The following ANGPT2 variants were observed in gnomAD, a reference collection of about 807,000 sequenced individuals.
ANGPT2 encodes angiopoietin 2.
ANGPT2 carries 28 observed loss-of-function variants against 62.9 expected under a neutral mutation model. The ratio of observed to expected loss-of-function variants is 0.44; its 90% CI spans 0.33 to 0.61. The LOEUF (loss-of-function observed/expected upper bound fraction) is 0.61. Ranked by LOEUF, ANGPT2 falls within the 20% of genes least tolerant of loss-of-function variation. The pLI, the probability that ANGPT2 is intolerant of heterozygous loss-of-function variation, is 0.03. For synonymous variants in ANGPT2, 284 were observed against 207.8 expected, an observed-to-expected ratio of 1.37 and a Z score of -3.15; for missense variants, 727 against 594.9, an observed-to-expected ratio of 1.22 and a Z score of -2.31.
intron 3 of ANGPT2, 88 bp downstream of exon 3, chr8:6,527,467 C>T: frequency 1.3e-6 from 2 of 1,495,460 alleles, no homozygotes; most frequent in African/African-American, 1.4e-5. Flanking sequence ...AAGAAACTCA[C>T]CATTCTGATA....
At chr8:6,551,833 C>G (rs921916926) in intron 1 of ANGPT2, among the ~76,000 whole-genome samples, 1 of 152,150 alleles carries the variant, frequency 6.6e-6, no homozygotes, top group African/African-American at 2.4e-5. Flanking sequence ...CAATAACGTA[C>G]TTTCTCGAGC....
At chr8:6,537,508 G>A (rs989059890) in intron 1 of ANGPT2, among the ~76,000 whole-genome samples, 58 of 151,672 alleles carry the variant, frequency 3.8e-4, no homozygotes, top group African/African-American at 1.4e-3. Flanking sequence ...GCAGCGCATC[G>A]AAACTCAAGC....
intron 2 of ANGPT2, among the ~76,000 whole-genome samples, chr8:6,530,545 C>A (rs1819294198): frequency 8.2e-6 from 1 of 122,608 alleles, no homozygotes; most frequent in South Asian, 2.5e-4. Context: ...ATGGCAAAAT[C>A]TGCAGTTACT....
chr8:6,537,091 C>G (rs1820639659), intron 1 of ANGPT2, among the ~76,000 whole-genome samples: 1 of 152,070 alleles, frequency 6.6e-6, no homozygotes, highest in Non-Finnish European at 1.5e-5. Context: ...CTGCTCTCAT[C>G]AAAACAGTTC....
intron 1 of ANGPT2, among the ~76,000 whole-genome samples, chr8:6,533,155 C>A (rs1819846362): frequency 6.6e-6 from 1 of 152,312 alleles, no homozygotes; most frequent in Admixed American, 6.5e-5. Flanking sequence ...TTTAATCGCA[C>A]CTTGGTCCAT....
chr8:6,503,073 A>T lies in ANGPT2; in HGVS notation c.*28T>A. 6.2e-7 allele frequency: 1 copy of T among 1,613,574 alleles called. No individual in the cohort carries two copies. ...GGCTTAAGTCTTTGAAAATAGTTCG[A>T]GACAGTTCCTCAGGTGGACTGGGAT... On this transcript the variant is annotated 3_prime_UTR_variant, in exon 9 of 9. Coordinates refer to ENST00000629816, the MANE Select transcript of ANGPT2 (RefSeq NM_001118887.2).
chr8:6,509,144 C>T, intron 7 of ANGPT2, 82 bp from the exon 8 acceptor site: 1 of 1,528,450 alleles, frequency 6.5e-7, no homozygotes, highest in Non-Finnish European at 8.9e-7. Flanking sequence ...ATGAAGAATT[C>T]CATTCTACAG....
rs370898328 is a variant in ANGPT2 at position 6,508,916 on chromosome 8, A to G, written c.1327+16T>C. 6 of 1,613,986 alleles carry G rather than the reference A, an allele frequency of 3.7e-6. No homozygotes were observed. The African/African-American group carries it at 6.7e-5, about 18-fold the overall frequency. On this transcript the variant is annotated intron_variant, in intron 8 of 8. Transcript: ENST00000629816. ...TCCTTGCCAATACAAATAGGAAGAC[A>G]GAAAGTCATCCCTACCTCCTGTTAG...
intron 1 of ANGPT2, among the ~76,000 whole-genome samples, chr8:6,544,875 T>C (rs1373521713): frequency 6.6e-6 from 1 of 152,196 alleles, no homozygotes; most frequent in Non-Finnish European, 1.5e-5. Flanking sequence ...CATTTCAGAT[T>C]GAACCTGCTA....
intron 1 of ANGPT2, among the ~76,000 whole-genome samples, chr8:6,541,545 C>T (rs930922103): frequency 6.6e-6 from 1 of 152,164 alleles, no homozygotes; most frequent in East Asian, 1.9e-4. Flanking sequence ...AGAGCGAATG[C>T]GGAGACGCTC....
At chr8:6,532,186 T>G in intron 2 of ANGPT2, 146 bp downstream of exon 2, 1 of 940,826 alleles carries the variant, frequency 1.1e-6, no homozygotes, top group Non-Finnish European at 1.6e-6. Flanking sequence ...CAGCCATACA[T>G]CCTTAATTTC....
At chr8:6,517,749 C>T (rs191022673) in intron 5 of ANGPT2, among the ~76,000 whole-genome samples, 79 of 152,256 alleles carry the variant, frequency 5.2e-4, no homozygotes, top group African/African-American at 1.9e-3. Context: ...ACTGAGCTCT[C>T]AGAAAGGTTA....
intron 1 of ANGPT2, among the ~76,000 whole-genome samples, chr8:6,550,856 T>A (rs1410868555): frequency 6.6e-6 from 1 of 152,182 alleles, no homozygotes; most frequent in Non-Finnish European, 1.5e-5. Context: ...AAATGCCAGC[T>A]GCCACCACAG....
At chr8:6,532,062 G>T (rs764521841) in intron 2 of ANGPT2, among the ~76,000 whole-genome samples, 4 of 152,224 alleles carry the variant, frequency 2.6e-5, no homozygotes, top group African/African-American at 4.8e-5. Flanking sequence ...TCATCTTGCA[G>T]TGGTTGGGAT....
chr8:6,541,370 G>A (rs1184690889), intron 1 of ANGPT2, among the ~76,000 whole-genome samples: 1 of 152,182 alleles, frequency 6.6e-6, no homozygotes, highest in Admixed American at 6.5e-5. Flanking sequence ...CGTGGAAGGG[G>A]AGCTTGTATT....
intron 1 of ANGPT2, among the ~76,000 whole-genome samples, chr8:6,551,455 T>C (rs1025209702): frequency 6.6e-6 from 1 of 152,228 alleles, no homozygotes; most frequent in Non-Finnish European, 1.5e-5. Flanking sequence ...TATGTGTTTG[T>C]TATTACCCAG....
In ANGPT2 at chr8:6,562,867, C is replaced by T. The variant is rs1360452984; in HGVS notation, c.68G>A (p.Arg23Gln). The T allele has an allele frequency of 1.9e-6, 3 of 1,612,316 alleles. No homozygotes were observed. The highest frequency in any genetic ancestry group is 2.5e-6 in the Non-Finnish European group (3 of 1,178,642). Residue 23 changes from arginine to glutamine, a missense_variant, in exon 1 of 9, where the codon CGG becomes CAG. By Grantham distance (43) the Arg-to-Gln change is conservative. Coordinates refer to ENST00000629816, the MANE Select transcript of ANGPT2 (RefSeq NM_001118887.2). ...LVLAAAYNNFRKSMDSIGKKQ... is the reference protein window; with the variant it reads ...LVLAAAYNNFQKSMDSIGKKQ... ...CTTTCCTATGCTGTCCATGCTCTTC[C>T]GAAAGTTGTTATAGGCTGCGGCCAA...
intron 1 of ANGPT2, among the ~76,000 whole-genome samples, chr8:6,557,534 G>A (rs571895806): frequency 6.6e-6 from 1 of 152,258 alleles, no homozygotes; most frequent in African/African-American, 2.4e-5. Flanking sequence ...AGCCAAAGGA[G>A]GATGTAGTGA....
At chr8:6,556,434 AAG>A (rs1404703795) in intron 1 of ANGPT2, among the ~76,000 whole-genome samples, 1 of 152,072 alleles carries the variant, frequency 6.6e-6, no homozygotes, top group Non-Finnish European at 1.5e-5. Flanking sequence ...TGTAGTGACC[AAG>A]GACTTAACAT....
Sources: gnomAD v4.1 joint callset for allele counts (sites outside exome capture counted in the v4.1 genomes callset) on GRCh38, gnomAD v4.1.1 for gene constraint, MANE v1.5 for transcripts, NCBI Gene and HGNC (gene_info 2026-07-23, HGNC 2026-07-21) for gene names.